GALNT14: variants seen among roughly 807,000 people sequenced by gnomAD.
The protein encoded by GALNT14 is UDP-GalNAc:polypeptide N-acetylgalactosaminyltransferase 14.
In GALNT14, 60 loss-of-function variants were observed where a neutral mutation model predicts 77.5. The ratio of observed to expected loss-of-function variants is 0.77; its 90% CI spans 0.63 to 0.96. GALNT14 has a LOEUF of 0.96. Among genes scored for constraint, GALNT14 ranks in the 40% least tolerant of loss-of-function variants. The probability of loss-of-function intolerance (pLI) is 0.00; values close to 1 mark genes in which losing one functional copy is unlikely to be tolerated. For synonymous variants in GALNT14, 280 were observed against 281.7 expected (o/e 0.99, Z 0.06); for missense variants, 710 against 731.0 (o/e 0.97, Z 0.33).
At chr2:30,996,346 A>T (rs1220759742) in intron 1 of GALNT14, among the ~76,000 whole-genome samples, 1 of 152,254 alleles carries the variant, frequency 6.6e-6, no homozygotes, top group African/African-American at 2.4e-5. Context: ...TGCCTGAAGC[A>T]GGTCATGGAG....
chr2:31,058,146 T>C (rs1308604279), intron 1 of GALNT14, among the ~76,000 whole-genome samples: 1 of 152,162 alleles, frequency 6.6e-6, no homozygotes, highest in Non-Finnish European at 1.5e-5. Flanking sequence ...TCCATGAAAG[T>C]CCCCTCAGTC....
intron 2 of GALNT14, among the ~76,000 whole-genome samples, chr2:30,982,151 G>A (rs1466200297): frequency 6.6e-6 from 1 of 152,122 alleles, no homozygotes; most frequent in Non-Finnish European, 1.5e-5. Flanking sequence ...AGCAGGGAGA[G>A]GCAAATTTAA....
the GALNT14 span, among the ~76,000 whole-genome samples, chr2:30,887,493 T>C: frequency 6.6e-6 from 1 of 152,268 alleles, no homozygotes; most frequent in Non-Finnish European, 1.5e-5. Context: ...CATCTTTCCA[T>C]GTGCTTTTTG....
At position 31,130,783 on chromosome 2, in the gene GALNT14, T is replaced by TGCGC. The variant is rs1553382625; in HGVS notation, c.129+7171_129+7174dup. On this transcript the variant is annotated intron_variant, in intron 1 of 14. Transcript: ENST00000349752. ...GTGTGTGTGTGTGTGTGTGTGTGTG[T>TGCGC]GCGCGCGCACCTGTGTGTGTGCCTG... Among the ~76,000 whole-genome samples, 85 of 118,668 alleles carry TGCGC rather than the reference T, an allele frequency of 7.2e-4. 1 individual carries two copies. Among genetic ancestry groups the TGCGC allele is most frequent in the African/African-American group, 2.7e-3 (75 of 27,412 alleles). The allele number at this position is 118,668 out of a possible 152,430, so 77.9% of individuals were successfully genotyped here. A position where few individuals can be genotyped will look rare whatever the true frequency, so the allele number is the denominator to read the frequency against.
chr2:31,096,174 C>T (rs1260597284), intron 1 of GALNT14, among the ~76,000 whole-genome samples: 1 of 152,180 alleles, frequency 6.6e-6, no homozygotes, highest in Non-Finnish European at 1.5e-5. Context: ...CTTGTGATTA[C>T]ATCAGACTCA....
At chr2:30,895,934 G>A in the GALNT14 span, among the ~76,000 whole-genome samples, 10 of 152,098 alleles carry the variant, frequency 6.6e-5, no homozygotes, top group Admixed American at 6.6e-4. Flanking sequence ...TACATTTGGG[G>A]GGCTGATGCC....
At chr2:31,102,128 A>G (rs1262112381) in intron 1 of GALNT14, among the ~76,000 whole-genome samples, 7 of 152,100 alleles carry the variant, frequency 4.6e-5, no homozygotes, top group African/African-American at 1.7e-4. Context: ...CCCCCAAACC[A>G]GCTTTGAAAT....
At chr2:31,072,252 TTC>T (rs752845986) in intron 1 of GALNT14, among the ~76,000 whole-genome samples, 31,590 of 136,590 alleles carry the variant, frequency 0.23, 3,713 homozygotes, top group Middle Eastern at 0.31. Context: ...CTCCTCTCTT[TTC>T]TCTCTCTCTC....
chr2:31,081,829 C>T (rs1991103), intron 1 of GALNT14, among the ~76,000 whole-genome samples: 1 of 151,832 alleles, frequency 6.6e-6, no homozygotes, highest in Non-Finnish European at 1.5e-5. Flanking sequence ...TGAAGGAAAA[C>T]TATTGATTTA....
chr2:31,090,026 G>A (rs1338470473), intron 1 of GALNT14, among the ~76,000 whole-genome samples: 1 of 152,148 alleles, frequency 6.6e-6, no homozygotes, highest in Non-Finnish European at 1.5e-5. Flanking sequence ...TGGCAACTGG[G>A]ACACCATGGA....
intron 1 of GALNT14, among the ~76,000 whole-genome samples, chr2:31,031,457 A>G (rs1242346525): frequency 6.6e-6 from 1 of 152,166 alleles, no homozygotes; most frequent in African/African-American, 2.4e-5. Flanking sequence ...ATCTAGGCTC[A>G]CTAAGATGAC....
At chr2:31,093,605 G>T (rs1676865096) in intron 1 of GALNT14, among the ~76,000 whole-genome samples, 1 of 152,162 alleles carries the variant, frequency 6.6e-6, no homozygotes, top group Non-Finnish European at 1.5e-5. Flanking sequence ...CATCGCACTT[G>T]CTTCTCTCCT....
intron 2 of GALNT14, chr2:30,991,091 T>C (rs1260731353): frequency 1.3e-5 from 2 of 152,150 alleles, no homozygotes; most frequent in Admixed American, 6.5e-5. Context: ...AGAAGTTAAG[T>C]GTAGAAACTA....
chr2:30,993,606 C>T (rs1669846572), intron 1 of GALNT14, among the ~76,000 whole-genome samples: 1 of 152,224 alleles, frequency 6.6e-6, no homozygotes, highest in South Asian at 2.1e-4. Flanking sequence ...TCCTCCTACC[C>T]AGGAATCTGG....
chr2:31,000,385 C>T lies in GALNT14; in HGVS notation c.130-7378G>A, dbSNP rs191371699. On this transcript the variant is annotated intron_variant, in intron 1 of 14. Coordinates refer to ENST00000349752, the MANE Select transcript of GALNT14 (RefSeq NM_024572.4). ...TTCGTTTCCCATTTGTTTGCAGATT[C>T]TTGTATGTGTTTCTGTATTGGTCAG... 1.2e-3 allele frequency among the ~76,000 whole-genome samples: 183 copies of T among 150,108 alleles called. 1 individual carries two copies. Among genetic ancestry groups the T allele is most frequent in the African/African-American group, 4.3e-3 (175 of 40,728 alleles).
chr2:31,028,025 T>C (rs1374167044), intron 1 of GALNT14, among the ~76,000 whole-genome samples: 1 of 152,128 alleles, frequency 6.6e-6, no homozygotes, highest in African/African-American at 2.4e-5. Flanking sequence ...TGTAGTGAGG[T>C]GTATAACGCA....
At chr2:31,116,187 A>C (rs1678099887) in intron 1 of GALNT14, among the ~76,000 whole-genome samples, 1 of 152,220 alleles carries the variant, frequency 6.6e-6, no homozygotes, top group African/African-American at 2.4e-5. Context: ...AAGATGTCCA[A>C]ATTAAAAAGG....
chr2:31,119,788 T>C (rs1017724636), intron 1 of GALNT14, among the ~76,000 whole-genome samples: 2 of 152,198 alleles, frequency 1.3e-5, no homozygotes, highest in African/African-American at 4.8e-5. Context: ...AGAGATAAAG[T>C]GTATACCCAT....
intron 5 of GALNT14, 64 bp from the exon 6 acceptor site, chr2:30,955,803 G>A: frequency 6.2e-7 from 1 of 1,609,608 alleles, no homozygotes; most frequent in Non-Finnish European, 8.5e-7. Context: ...CGAGACCAGG[G>A]AGAAGCCACC....
Sources: gnomAD v4.1 joint callset for allele counts (sites outside exome capture counted in the v4.1 genomes callset) on GRCh38, gnomAD v4.1.1 for gene constraint, MANE v1.5 for transcripts, NCBI Gene and HGNC (gene_info 2026-07-23, HGNC 2026-07-21) for gene names.